DCDC2: variants seen among roughly 807,000 people sequenced by gnomAD.
DCDC2 encodes the protein doublecortin domain containing 2.
A neutral mutation model predicts 50.2 loss-of-function variants in DCDC2; 40 were observed. The observed-to-expected ratio is 0.80, with a 90% CI of 0.62 to 1.04. The LOEUF (loss-of-function observed/expected upper bound fraction) is 1.04. DCDC2 is among the 50% of genes least tolerant of loss of function. The pLI, the probability that DCDC2 is intolerant of heterozygous loss-of-function variation, is 0.00. For synonymous variants in DCDC2, 234 were observed against 210.6 expected (o/e 1.11, Z -0.96); for missense variants, 570 against 581.9 (o/e 0.98, Z 0.21).
chr6:24,358,888 T>TAG (rs1561788413), upstream of DCDC2, among the ~76,000 whole-genome samples: 1 of 14,892 alleles, frequency 6.7e-5, no homozygotes, highest in Non-Finnish European at 1.0e-4. Flanking sequence ...ATTATATATA[T>TAG]TTATATATAT....
chr6:24,208,703 T>A (rs1380529143), intron 7 of DCDC2, among the ~76,000 whole-genome samples: 1 of 152,188 alleles, frequency 6.6e-6, no homozygotes, highest in Non-Finnish European at 1.5e-5. Flanking sequence ...ACATACTGCG[T>A]TTATTCATGA....
intron 2 of DCDC2, among the ~76,000 whole-genome samples, chr6:24,344,200 T>G (rs1561782273): frequency 6.6e-6 from 1 of 152,166 alleles, no homozygotes; most frequent in Non-Finnish European, 1.5e-5. Flanking sequence ...CATGTGAGCT[T>G]CATTGCTACT....
intron 7 of DCDC2, among the ~76,000 whole-genome samples, chr6:24,274,605 C>CAAAAAAAAAAAAAAAAAAAAAGAAAA (rs1763308630): frequency 1.2e-5 from 1 of 82,404 alleles, no homozygotes; most frequent in African/African-American, 4.6e-5. Flanking sequence ...GAAACAGAGT[C>CAAAAAAAAAAAAAAAAAAAAAGAAAA]AAAAAAAAAA....
chr6:24,352,947 A>C (rs1760399154), intron 2 of DCDC2, among the ~76,000 whole-genome samples: 1 of 152,212 alleles, frequency 6.6e-6, no homozygotes, highest in Non-Finnish European at 1.5e-5. Context: ...CACAAACTAA[A>C]GAATACATCC....
intron 2 of DCDC2, among the ~76,000 whole-genome samples, chr6:24,324,589 T>A (rs1759826128): frequency 6.6e-6 from 1 of 152,150 alleles, no homozygotes; most frequent in African/African-American, 2.4e-5. Flanking sequence ...ATCAAAGAGC[T>A]ATGACACTTT....
In DCDC2 at chr6:24,298,671, A is replaced by G. The variant is rs1396424394; in HGVS notation, c.557+3044T>C. ...GCCTGACACATAAGAAATAGTCAAT[A>G]GATGATGTTGTATATTAAATAAAAA... On this transcript the variant is annotated intron_variant, in intron 4 of 9. Coordinates refer to ENST00000378454, the MANE Select transcript of DCDC2 (RefSeq NM_016356.5). 2.0e-5 allele frequency among the ~76,000 whole-genome samples: 3 copies of G among 152,272 alleles called. No homozygotes were observed. The South Asian group carries it at 6.2e-4, about 32-fold the overall frequency.
chr6:24,246,869 C>T (rs1350195067), intron 7 of DCDC2, among the ~76,000 whole-genome samples: 2 of 152,174 alleles, frequency 1.3e-5, no homozygotes, highest in African/African-American at 2.4e-5. Context: ...CTAATATCCA[C>T]ATACGAGCTT....
upstream of DCDC2, chr6:24,358,145 C>T (rs1760518161): frequency 1.9e-6 from 1 of 517,472 alleles, no homozygotes; most frequent in African/African-American, 1.9e-5. Context: ...CACACACACA[C>T]ACAAATATGG....
chr6:24,276,884 T>C (rs547817565), intron 7 of DCDC2, among the ~76,000 whole-genome samples: 2 of 152,204 alleles, frequency 1.3e-5, no homozygotes, highest in South Asian at 4.2e-4. Context: ...TTAAATGAGC[T>C]GCCCAAGGTC....
At chr6:24,254,831 T>TA (rs34931175) in intron 7 of DCDC2, among the ~76,000 whole-genome samples, 7 of 151,552 alleles carry the variant, frequency 4.6e-5, no homozygotes, top group Non-Finnish European at 8.8e-5. Context: ...ATTCATACTA[T>TA]AAAAAAAAAT....
rs146356320 is a variant in DCDC2, at chr6:24,279,769, C to T, written c.760-1558G>A. Among the ~76,000 whole-genome samples the T allele has an allele frequency of 5.2e-4, 79 of 152,268 alleles. No homozygotes were observed. The South Asian group carries it at 0.012, about 22-fold the overall frequency. Reference sequence around the variant, plus strand: ...ACTGCTCTGCCACTGAACACAGGGACCATGCCTTAACTAACTCTTAATTTC... The same window carrying T: ...ACTGCTCTGCCACTGAACACAGGGATCATGCCTTAACTAACTCTTAATTTC... On this transcript the variant is annotated intron_variant, in intron 6 of 9. Transcript: ENST00000378454.
At chr6:24,209,925 G>A (rs903963535) in intron 7 of DCDC2, among the ~76,000 whole-genome samples, 21 of 151,976 alleles carry the variant, frequency 1.4e-4, no homozygotes, top group African/African-American at 5.1e-4. Flanking sequence ...ACCCCAGAGA[G>A]ATTATTCTTG....
intron 2 of DCDC2, among the ~76,000 whole-genome samples, chr6:24,350,092 T>C (rs1760339639): frequency 6.6e-6 from 1 of 152,230 alleles, no homozygotes; most frequent in Non-Finnish European, 1.5e-5. Context: ...AAACCCATCA[T>C]GAGGCCATAA....
intron 7 of DCDC2, among the ~76,000 whole-genome samples, chr6:24,254,585 A>G (rs62400395): frequency 0.046 from 7,074 of 152,214 alleles, 174 homozygotes; most frequent in African/African-American, 0.063. Flanking sequence ...GCTGCATAGT[A>G]CATCCCAAAC....
the DCDC2 span, among the ~76,000 whole-genome samples, chr6:24,381,801 A>AGAAAGGAAGGAAGGAAGGAAG: frequency 2.4e-5 from 3 of 124,384 alleles, no homozygotes. Context: ...AAGGAAGGAA[A>AGAAAGGAAGGAAGGAAGGAAG]GAAAGGAAGG....
At chr6:24,180,400 T>C (rs1471677309) in intron 8 of DCDC2, among the ~76,000 whole-genome samples, 5 of 152,074 alleles carry the variant, frequency 3.3e-5, no homozygotes, top group African/African-American at 1.2e-4. Context: ...TTCTCCTGCC[T>C]CAGCCCCCCG....
chr6:24,320,621 C>T (rs1172977734), intron 2 of DCDC2, among the ~76,000 whole-genome samples: 3 of 152,130 alleles, frequency 2.0e-5, no homozygotes, highest in Admixed American at 6.6e-5. Flanking sequence ...CATGAGCCAC[C>T]ACACTCGGCT....
intron 4 of DCDC2, among the ~76,000 whole-genome samples, chr6:24,301,099 T>C (rs568265755): frequency 5.1e-4 from 76 of 150,148 alleles, no homozygotes; most frequent in Non-Finnish European, 8.9e-4. Context: ...GGGCCGGGCT[T>C]GGTGGCTCAA....
the DCDC2 span, among the ~76,000 whole-genome samples, chr6:24,378,368 G>C: frequency 6.6e-6 from 1 of 152,096 alleles, no homozygotes; most frequent in Non-Finnish European, 1.5e-5. Flanking sequence ...AGAGCAGAGA[G>C]TGTCTGATGA....
Sources: gnomAD v4.1 joint callset for allele counts (sites outside exome capture counted in the v4.1 genomes callset) on GRCh38, gnomAD v4.1.1 for gene constraint, MANE v1.5 for transcripts, NCBI Gene and HGNC (gene_info 2026-07-23, HGNC 2026-07-21) for gene names.